The following PRKG1 variants were observed in gnomAD, a reference collection of about 807,000 sequenced individuals.
The protein encoded by PRKG1 is cGMP-dependent protein kinase 1.
In PRKG1, 35 loss-of-function variants were observed where a neutral mutation model predicts 88.1. That is an observed-to-expected ratio of 0.40 (90% CI 0.30 to 0.53). The LOEUF (loss-of-function observed/expected upper bound fraction) is 0.53. PRKG1 is among the 20% of genes least tolerant of loss of function. PRKG1 has a pLI of 0.59. For synonymous variants in PRKG1, 303 were observed against 292.5 expected (o/e 1.04, Z -0.37); for missense variants, 540 against 839.8 (o/e 0.64, Z 4.41).
At chr10:51,849,215 T>C (rs1840482723) in intron 4 of PRKG1, among the ~76,000 whole-genome samples, 1 of 152,166 alleles carries the variant, frequency 6.6e-6, no homozygotes, top group Admixed American at 6.6e-5. Context: ...ATTTAGTTAG[T>C]ACATAGGGAA....
chr10:51,143,129 C>T (rs1018646485), intron 1 of PRKG1, among the ~76,000 whole-genome samples: 3 of 151,994 alleles, frequency 2.0e-5, no homozygotes, highest in Admixed American at 2.0e-4. Context: ...CTCCTAACAC[C>T]TTTTCCCCCC....
chr10:51,610,150 CTCTT>C (rs756724247), intron 3 of PRKG1, among the ~76,000 whole-genome samples: 3 of 152,108 alleles, frequency 2.0e-5, no homozygotes, highest in Admixed American at 6.6e-5. Context: ...TGCAAGCTCT[CTCTT>C]CTAGTTTTTT....
chr10:52,198,070 C>T (rs1015917315), intron 9 of PRKG1, among the ~76,000 whole-genome samples: 1 of 152,114 alleles, frequency 6.6e-6, no homozygotes, highest in Non-Finnish European at 1.5e-5. Context: ...ATAATGCTGA[C>T]AGAAAAATAC....
At chr10:51,930,139 G>A (rs1312024403) in intron 5 of PRKG1, among the ~76,000 whole-genome samples, 4 of 152,144 alleles carry the variant, frequency 2.6e-5, no homozygotes, top group African/African-American at 9.7e-5. Context: ...AAATAAGCTG[G>A]TTACTAAAAC....
intron 2 of PRKG1, among the ~76,000 whole-genome samples, chr10:51,170,268 A>G (rs1846667357): frequency 1.3e-5 from 2 of 152,126 alleles, no homozygotes; most frequent in South Asian, 2.1e-4. Flanking sequence ...CATAACTTAA[A>G]AAGTAAACAA....
chr10:51,762,230 T>TA (rs1198883872), intron 3 of PRKG1, among the ~76,000 whole-genome samples: 2 of 152,212 alleles, frequency 1.3e-5, no homozygotes, highest in Non-Finnish European at 2.9e-5. Flanking sequence ...TTTCTCATAA[T>TA]ACCTTACAAG....
At position 51,699,696 on chromosome 10, in the gene PRKG1, A is replaced by G; in HGVS notation, c.593-104889A>G. The G allele has an allele frequency of 3.7e-6, 3 of 821,274 alleles. No homozygotes were observed. In the East Asian group the frequency reaches 7.7e-5, roughly 21 times the overall value. The allele number at this position is 821,274 out of a possible 1,614,324, so 50.9% of individuals were successfully genotyped here. ...CTTGAATCGTTCCGCTTGCCTGTGG[A>G]ACCTGCATCCCACTAACAACTTATC... On this transcript the variant is annotated intron_variant, in intron 3 of 17. Transcript: ENST00000373980.
intron 2 of PRKG1, among the ~76,000 whole-genome samples, chr10:51,205,572 G>A (rs552266028): frequency 2.6e-5 from 4 of 151,832 alleles, no homozygotes; most frequent in East Asian, 3.9e-4. Context: ...AGTTTTGCTC[G>A]TTGCCCTAGC....
chr10:51,808,335 G>A (rs1435865620), intron 4 of PRKG1, among the ~76,000 whole-genome samples: 2 of 152,088 alleles, frequency 1.3e-5, no homozygotes, highest in African/African-American at 2.4e-5. Flanking sequence ...AGTGGCTCAG[G>A]CCTGTAATCT....
intron 3 of PRKG1, among the ~76,000 whole-genome samples, chr10:51,736,278 T>A (rs1365428935): frequency 6.6e-6 from 1 of 152,068 alleles, no homozygotes; most frequent in African/African-American, 2.4e-5. Context: ...TTATTTATTA[T>A]CATTATTATT....
rs114755547 is a variant in PRKG1 at position 51,261,694 on chromosome 10, A to G, written c.478+108364A>G. On this transcript the variant is annotated intron_variant, in intron 2 of 17. Transcript: ENST00000373980. ...CACTGTACATTAGCCCCAATATTTT[A>G]TTTTATTCTCATCATTCTCTGAAGC... Among the ~76,000 whole-genome samples, 255 of 151,910 alleles carry G rather than the reference A, an allele frequency of 1.7e-3. 5 individuals carry two copies. Among genetic ancestry groups the G allele is most frequent in the Non-Finnish European group, 3.2e-4 (22 of 67,984 alleles).
intron 1 of PRKG1, among the ~76,000 whole-genome samples, chr10:51,134,484 C>A (rs1277197837): frequency 6.6e-6 from 1 of 152,068 alleles, no homozygotes; most frequent in African/African-American, 2.4e-5. Flanking sequence ...ATGCAGTAGT[C>A]CTGAAAATGC....
At chr10:51,923,566 TAG>T (rs1842508273) in intron 5 of PRKG1, among the ~76,000 whole-genome samples, 1 of 151,592 alleles carries the variant, frequency 6.6e-6, no homozygotes. Flanking sequence ...TAACATTTTT[TAG>T]TGGTTGCCCT....
intron 1 of PRKG1, among the ~76,000 whole-genome samples, chr10:51,035,635 T>C (rs1721883142): frequency 6.6e-6 from 1 of 152,202 alleles, no homozygotes; most frequent in African/African-American, 2.4e-5. Context: ...TTATACACAG[T>C]AGGCATCTGA....
intron 5 of PRKG1, among the ~76,000 whole-genome samples, chr10:52,042,170 A>G (rs75340256): frequency 0.01 from 1,554 of 152,282 alleles, 14 homozygotes; most frequent in Middle Eastern, 0.02. Context: ...TGCAGATTCA[A>G]TGTACTTTCT....
intron 3 of PRKG1, among the ~76,000 whole-genome samples, chr10:51,596,418 G>A (rs1197172761): frequency 1.3e-5 from 2 of 152,090 alleles, no homozygotes; most frequent in Non-Finnish European, 2.9e-5. Context: ...CATTTTCCAT[G>A]AAGAGTAACC....
intron 3 of PRKG1, among the ~76,000 whole-genome samples, chr10:51,774,360 A>G (rs977674154): frequency 1.2e-4 from 18 of 152,066 alleles, no homozygotes; most frequent in Admixed American, 7.9e-4. Flanking sequence ...GGAAATTTCT[A>G]TTTTTTCCCC....
intron 1 of PRKG1, among the ~76,000 whole-genome samples, chr10:51,094,494 C>T (rs1386464236): frequency 6.6e-6 from 1 of 151,828 alleles, no homozygotes; most frequent in Non-Finnish European, 1.5e-5. Flanking sequence ...AACATAAATG[C>T]ATAATTCTTA....
chr10:52,183,846 T>A (rs1387743307), intron 9 of PRKG1, among the ~76,000 whole-genome samples: 1 of 152,252 alleles, frequency 6.6e-6, no homozygotes, highest in Non-Finnish European at 1.5e-5. Context: ...GCTCTGGGCT[T>A]GCAATGACTA....
Sources: gnomAD v4.1 joint callset for allele counts (sites outside exome capture counted in the v4.1 genomes callset) on GRCh38, gnomAD v4.1.1 for gene constraint, MANE v1.5 for transcripts, NCBI Gene and HGNC (gene_info 2026-07-23, HGNC 2026-07-21) for gene names.